The following NSG2 variants were observed in gnomAD, a reference collection of about 807,000 sequenced individuals.
NSG2 encodes the protein neuronal vesicle trafficking associated 2, also known as neuronal vesicle trafficking-associated protein 2.
Under a neutral mutation model 16.9 loss-of-function variants are expected in NSG2, and 4 were observed. The observed-to-expected ratio is 0.24, with a 90% CI of 0.12 to 0.54. NSG2 has a LOEUF of 0.54. Among genes scored for constraint, NSG2 ranks in the 20% least tolerant of loss-of-function variants. The probability of loss-of-function intolerance (pLI) is 0.95; values close to 1 mark genes in which losing one functional copy is unlikely to be tolerated. For synonymous variants in NSG2, 98 were observed against 88.7 expected (o/e 1.11, Z -0.59); for missense variants, 179 against 221.1 (o/e 0.81, Z 1.21).
chr5:174,073,028 A>G (rs1046484344), intron 3 of NSG2, among the ~76,000 whole-genome samples: 3 of 152,196 alleles, frequency 2.0e-5, no homozygotes, highest in African/African-American at 7.2e-5. Context: ...GTGAATGAGC[A>G]AACAAAAAAA....
intron 3 of NSG2, among the ~76,000 whole-genome samples, chr5:174,097,579 G>A (rs950989296): frequency 6.9e-6 from 1 of 145,776 alleles, no homozygotes; most frequent in Non-Finnish European, 1.5e-5. Context: ...CTGTGTGTGT[G>A]TCTGTGTGTG....
intron 3 of NSG2, among the ~76,000 whole-genome samples, chr5:174,079,046 T>G (rs974264150): frequency 6.6e-6 from 1 of 152,112 alleles, no homozygotes; most frequent in Non-Finnish European, 1.5e-5. Context: ...AGAGGGTATA[T>G]ACACCTTCCC....
At chr5:174,053,942 A>C (rs1759929969) in intron 2 of NSG2, among the ~76,000 whole-genome samples, 1 of 152,176 alleles carries the variant, frequency 6.6e-6, no homozygotes, top group African/African-American at 2.4e-5. Context: ...TATGCTTTTC[A>C]CTGGTAGGAA....
At chr5:174,100,060 G>A (rs1016181796) in intron 3 of NSG2, among the ~76,000 whole-genome samples, 10 of 152,204 alleles carry the variant, frequency 6.6e-5, no homozygotes, top group African/African-American at 2.4e-4. Context: ...GGACAGGGAG[G>A]CAAACTCTCC....
intron 3 of NSG2, among the ~76,000 whole-genome samples, chr5:174,088,485 A>G (rs951948419): frequency 2.0e-5 from 3 of 152,220 alleles, no homozygotes; most frequent in Admixed American, 2.0e-4. Flanking sequence ...GTTATCTCCT[A>G]TTCTCAGATA....
At chr5:174,080,553 C>A (rs1433190857) in intron 3 of NSG2, among the ~76,000 whole-genome samples, 1 of 115,164 alleles carries the variant, frequency 8.7e-6, no homozygotes, top group East Asian at 2.2e-4. Context: ...CTCTCTCTTT[C>A]TTTTCTTTCT....
intron 3 of NSG2, among the ~76,000 whole-genome samples, chr5:174,074,202 A>T (rs1162621975): frequency 1.3e-5 from 2 of 152,164 alleles, no homozygotes; most frequent in Non-Finnish European, 1.5e-5. Flanking sequence ...AGCTCTCTGA[A>T]CCTGCGTTTC....
At chr5:174,073,741 A>C (rs1393787564) in intron 3 of NSG2, among the ~76,000 whole-genome samples, 2 of 152,232 alleles carry the variant, frequency 1.3e-5, no homozygotes, top group African/African-American at 2.4e-5. Flanking sequence ...GGGTTTGATG[A>C]GAGACGGGGT....
chr5:174,046,822 C>T lies in NSG2; in HGVS notation c.67C>T (p.Gln23Ter). The change falls in exon 2 of 5, where the codon CAG (glutamine) becomes TAG (stop). Residue 23 changes from glutamine to a stop codon, truncating the protein, a stop_gained. Coordinates refer to ENST00000303177, the MANE Select transcript of NSG2 (RefSeq NM_015980.5). LOFTEE classifies it high-confidence loss of function. ...GCCGCCTTCAGTTGAGGATGGCTTC[C>T]AGACCGTCCCTCTCATCACTCCCTT... ...TKPPSVEDGFQTVPLITPLEV... is the reference protein window; with the variant it reads ...TKPPSVEDGF 2 of 1,614,128 alleles carry T rather than the reference C, an allele frequency of 1.2e-6. No homozygotes were observed. Among genetic ancestry groups the T allele is most frequent in the Non-Finnish European group, 1.7e-6 (2 of 1,180,018 alleles).
intron 3 of NSG2, among the ~76,000 whole-genome samples, chr5:174,094,992 A>G (rs978475354): frequency 6.6e-6 from 1 of 152,246 alleles, no homozygotes; most frequent in African/African-American, 2.4e-5. Context: ...TAAGTGGTAG[A>G]TGGATGCACA....
At chr5:174,104,131 C>A in intron 3 of NSG2, 97 bp from the exon 4 acceptor site, 2 of 831,290 alleles carry the variant, frequency 2.4e-6, no homozygotes, top group Non-Finnish European at 4.1e-6. Context: ...CTTTCTAGCA[C>A]ACCATGCTGC....
chr5:174,076,835 ACATAGGACAG>A (rs1485924575), intron 3 of NSG2, among the ~76,000 whole-genome samples: 1 of 152,190 alleles, frequency 6.6e-6, no homozygotes, highest in African/African-American at 2.4e-5. Context: ...ACCCTATGAT[ACATAGGACAG>A]CTCCTTACAA....
intron 3 of NSG2, among the ~76,000 whole-genome samples, chr5:174,075,356 C>T (rs761607359): frequency 2.6e-5 from 4 of 152,146 alleles, no homozygotes; most frequent in East Asian, 3.9e-4. Context: ...CATGCATACA[C>T]GTATATTCTT....
chr5:174,047,408 G>T (rs1197904142), intron 2 of NSG2, among the ~76,000 whole-genome samples: 1 of 152,222 alleles, frequency 6.6e-6, no homozygotes, highest in African/African-American at 2.4e-5. Flanking sequence ...CAAAGATTGT[G>T]AGGGTGCACA....
intron 2 of NSG2, among the ~76,000 whole-genome samples, chr5:174,053,459 G>C (rs560426117): frequency 6.6e-6 from 1 of 152,264 alleles, no homozygotes; most frequent in Non-Finnish European, 1.5e-5. Flanking sequence ...ACCTATGGCT[G>C]TCACTGAGGC....
At chr5:174,102,143 C>T (rs185592158) in intron 3 of NSG2, among the ~76,000 whole-genome samples, 1 of 152,294 alleles carries the variant, frequency 6.6e-6, no homozygotes, top group East Asian at 1.9e-4. Flanking sequence ...ACTTCATATA[C>T]ACACTCATTA....
In NSG2 at chr5:174,107,305, C is replaced by T. The variant is rs1760997706; in HGVS notation, c.325-9C>T. On this transcript the variant is annotated splice_polypyrimidine_tract_variant and intron_variant, in intron 4 of 4. Coordinates refer to ENST00000303177, the MANE Select transcript of NSG2 (RefSeq NM_015980.5). This position sits in a 1 kb window ranked among gnomAD's most constrained non-coding sequence, Gnocchi z 4.5. ...GAATGACCCCTGACTCTGTCTCTTT[C>T]TTCCCCAGCACAAACGCTGTATCCC... The T allele has an allele frequency of 2.6e-6, 4 of 1,539,534 alleles. No individual in the cohort carries two copies. The highest frequency in any genetic ancestry group is 1.3e-5 in the South Asian group (1 of 79,966).
In NSG2 at chr5:174,047,840, C is replaced by T. The variant is rs146093243; in HGVS notation, c.129+956C>T. On this transcript the variant is annotated intron_variant, in intron 2 of 4. Coordinates refer to ENST00000303177, the MANE Select transcript of NSG2 (RefSeq NM_015980.5). ...GTTTTATTATGTGAGCTTTTGTACA[C>T]GGTAAGGGAGAGACTTGGAGGCCAA... Among the ~76,000 whole-genome samples the T allele has an allele frequency of 1.5e-3, 232 of 152,266 alleles. 1 individual carries two copies. Among genetic ancestry groups the T allele is most frequent in the South Asian group, 2.7e-3 (13 of 4,816 alleles).
At position 174,107,932 on chromosome 5, in the gene NSG2, C is replaced by A; in HGVS notation, c.*427C>A. On this transcript the variant is annotated 3_prime_UTR_variant, in exon 5 of 5. Transcript: ENST00000303177. This position sits in a 1 kb window ranked among gnomAD's most constrained non-coding sequence, Gnocchi z 4.5. The stretch of plus-strand genomic sequence containing the variant: ...TCTGTGGGCTTCTTAGATAAGAAAA[C>A]GTAGCTTCAGTGGGGGCTCCAGGGT... The A allele has an allele frequency of 2.7e-6, 1 of 366,486 alleles. No homozygotes were observed. Among genetic ancestry groups the A allele is most frequent in the East Asian group, 7.2e-5 (1 of 13,948 alleles). 22.7% of individuals were successfully genotyped at this position (366,486 alleles called of 1,614,324 possible).
Sources: allele counts gnomAD v4.1 joint callset (sites outside exome capture counted in the v4.1 genomes callset), GRCh38; gene constraint gnomAD v4.1.1; non-coding constraint Gnocchi (gnomAD v3.1); transcripts MANE v1.5; gene names NCBI Gene and HGNC (gene_info 2026-07-23, HGNC 2026-07-21).